Variants in LRRC18 observed in about 807,000 individuals in gnomAD.
LRRC18 encodes the protein leucine-rich repeat-containing protein 18.
Under a neutral mutation model 11.2 loss-of-function variants are expected in LRRC18, and 12 were observed. That is an observed-to-expected ratio of 1.07 (90% CI 0.69 to 1.74). LRRC18 has a LOEUF of 1.74. Ranked by LOEUF, LRRC18 falls within the 40% of genes most tolerant of loss-of-function variation. The pLI is 0.00. For synonymous variants in LRRC18, 155 were observed against 130.6 expected (o/e 1.19, Z -1.27); for missense variants, 374 against 330.5 (o/e 1.13, Z -1.02).
the LRRC18 span, among the ~76,000 whole-genome samples, chr10:48,927,442 T>G: frequency 6.6e-6 from 1 of 152,198 alleles, no homozygotes; most frequent in African/African-American, 2.4e-5. Flanking sequence ...AGCACTTCTG[T>G]GGGATGCGTT....
At chr10:48,927,464 G>A in the LRRC18 span, among the ~76,000 whole-genome samples, 13 of 152,106 alleles carry the variant, frequency 8.5e-5, no homozygotes, top group African/African-American at 2.4e-4. Context: ...TTCCCATTAC[G>A]TCAAAACTTC....
At chr10:48,913,303 G>A in intron 1 of LRRC18, 89 bp downstream of exon 3, 1 of 1,238,874 alleles carries the variant, frequency 8.1e-7, no homozygotes, top group Non-Finnish European at 1.1e-6. Flanking sequence ...CAGCCACAGG[G>A]GAGCCCTTGG....
the LRRC18 span, among the ~76,000 whole-genome samples, chr10:48,921,601 C>T: frequency 0.022 from 971 of 43,570 alleles, 13 homozygotes; most frequent in African/African-American, 0.05. Flanking sequence ...ATTAAAAGCT[C>T]TGTGGAAAAA....
At chr10:48,936,406 T>C in the LRRC18 span, among the ~76,000 whole-genome samples, 1 of 152,116 alleles carries the variant, frequency 6.6e-6, no homozygotes, top group African/African-American at 2.4e-5. Context: ...TTAGAATATA[T>C]GTGAATACAT....
the LRRC18 span, among the ~76,000 whole-genome samples, chr10:48,930,754 T>A: frequency 6.6e-6 from 1 of 151,998 alleles, no homozygotes; most frequent in Non-Finnish European, 1.5e-5. Flanking sequence ...TAATGTGTAA[T>A]CATAGAATGA....
the LRRC18 span, among the ~76,000 whole-genome samples, chr10:48,919,801 A>T: frequency 6.6e-6 from 1 of 152,160 alleles, no homozygotes; most frequent in Non-Finnish European, 1.5e-5. Flanking sequence ...TTCAATACAG[A>T]TTTTTGGGGG....
chr10:48,935,163 C>A, the LRRC18 span: 1 of 152,350 alleles, frequency 6.6e-6, no homozygotes, highest in East Asian at 1.9e-4. Flanking sequence ...GGCCGCCGCC[C>A]GAGCAAAACT....
the LRRC18 span, among the ~76,000 whole-genome samples, chr10:48,921,961 CTAAG>C: frequency 2.0e-5 from 3 of 152,110 alleles, no homozygotes; most frequent in East Asian, 3.8e-4. Context: ...ATTTTCCCAA[CTAAG>C]TATTTACCCT....
intron 1 of LRRC18, 149 bp downstream of exon 3, chr10:48,913,242 GC>G (rs1838170400): frequency 1.4e-6 from 1 of 739,664 alleles, no homozygotes; most frequent in African/African-American, 1.8e-5. Flanking sequence ...ACAATCACAC[GC>G]CGAGAAAGTA....
At chr10:48,914,065 G>T in exon 1 of LRRC18, 1 of 1,614,122 alleles carries the variant, frequency 6.2e-7, no homozygotes, top group African/African-American at 1.3e-5. Context: ...AAGTCAAGGC[G>T]CTTTTTCCCA....
intron 1 of LRRC18, among the ~76,000 whole-genome samples, chr10:48,911,336 T>C (rs1284716239): frequency 6.6e-6 from 1 of 152,244 alleles, no homozygotes; most frequent in Non-Finnish European, 1.5e-5. Context: ...TAGGCGTATG[T>C]GTGTAAACCT....
Position 48,913,349 on chromosome 10 carries a change from CCT to C in LRRC18, c.764+41_764+42del, listed in dbSNP as rs773773617. The C allele has an allele frequency of 1.9e-6, 3 of 1,576,564 alleles. 1 individual carries two copies. Among genetic ancestry groups the C allele is most frequent in the South Asian group, 2.3e-5 (2 of 88,202 alleles). ...AGGTAGCCCACTGCCCTCTTCCCTC[CCT>C]CTCTCTTTCCCTTCTGCCTCAGGGT... On this transcript the variant is annotated intron_variant, in intron 1 of 1. Coordinates refer to ENST00000374160, the Ensembl canonical transcript of LRRC18.
At chr10:48,932,346 A>G in the LRRC18 span, 2 of 152,220 alleles carry the variant, frequency 1.3e-5, no homozygotes, top group African/African-American at 4.8e-5. Flanking sequence ...GAGTTGGAGA[A>G]CAATCTTTGC....
chr10:48,931,364 G>A, the LRRC18 span, among the ~76,000 whole-genome samples: 1 of 152,176 alleles, frequency 6.6e-6, no homozygotes, highest in African/African-American at 2.4e-5. Flanking sequence ...GGTGGCCACT[G>A]AGAGTGGGGG....
At chr10:48,936,761 C>A in the LRRC18 span, among the ~76,000 whole-genome samples, 1 of 150,972 alleles carries the variant, frequency 6.6e-6, no homozygotes, top group Non-Finnish European at 1.5e-5. Flanking sequence ...TCGCTTGAAC[C>A]CAGGAGACAG....
the LRRC18 span, among the ~76,000 whole-genome samples, chr10:48,939,316 G>A: frequency 6.6e-6 from 1 of 152,246 alleles, no homozygotes; most frequent in Non-Finnish European, 1.5e-5. Flanking sequence ...ACCAATGCTA[G>A]CCTTTTCCAG....
the LRRC18 span, among the ~76,000 whole-genome samples, chr10:48,925,100 T>C: frequency 6.6e-6 from 1 of 152,192 alleles, no homozygotes; most frequent in Admixed American, 6.5e-5. Context: ...GTCGGTCATC[T>C]CTTAAAAGGA....
the LRRC18 span, among the ~76,000 whole-genome samples, chr10:48,930,799 A>AC: frequency 6.6e-6 from 1 of 152,160 alleles, no homozygotes; most frequent in Non-Finnish European, 1.5e-5. Flanking sequence ...ACAAAAAAAA[A>AC]TTATTTCCCA....
chr10:48,919,257 G>A, the LRRC18 span, among the ~76,000 whole-genome samples: 8 of 151,928 alleles, frequency 5.3e-5, no homozygotes, highest in Non-Finnish European at 7.4e-5. Flanking sequence ...GCATTAAAGG[G>A]ATAATAAGAG....
Sources: gnomAD v4.1 joint callset for allele counts (sites outside exome capture counted in the v4.1 genomes callset) on GRCh38, gnomAD v4.1.1 for gene constraint, MANE v1.5 for transcripts, NCBI Gene and HGNC (gene_info 2026-07-23, HGNC 2026-07-21) for gene names.